FER: variants seen among roughly 807,000 people sequenced by gnomAD.
The protein encoded by FER is FER tyrosine kinase.
A neutral mutation model predicts 111.0 loss-of-function variants in FER; 63 were observed. That is an observed-to-expected ratio of 0.57 (90% CI 0.46 to 0.70). FER has a LOEUF of 0.70. Among genes scored for constraint, FER ranks in the 30% least tolerant of loss-of-function variants. The pLI is 0.00. For synonymous variants in FER, 327 were observed against 313.9 expected (o/e 1.04, Z -0.44); for missense variants, 914 against 954.0 (o/e 0.96, Z 0.55).
chr5:109,065,278 T>TA (rs1435452188), intron 16 of FER, among the ~76,000 whole-genome samples: 2 of 152,266 alleles, frequency 1.3e-5, no homozygotes, highest in South Asian at 4.2e-4. Flanking sequence ...ATCAAAATTT[T>TA]AAAAAAACAT....
chr5:108,926,134 T>C (rs1753707060), intron 10 of FER, among the ~76,000 whole-genome samples: 5 of 151,632 alleles, frequency 3.3e-5, no homozygotes, highest in Admixed American at 3.3e-4. Flanking sequence ...ATTTTTGAAA[T>C]TGTTCTTAAT....
chr5:109,019,067 G>A (rs1352779881), intron 13 of FER, among the ~76,000 whole-genome samples: 3 of 151,356 alleles, frequency 2.0e-5, no homozygotes, highest in Non-Finnish European at 4.4e-5. Flanking sequence ...AGGCACAAGT[G>A]TAATATTTTT....
At chr5:108,830,039 T>C (rs1296401640) in intron 3 of FER, among the ~76,000 whole-genome samples, 1 of 152,202 alleles carries the variant, frequency 6.6e-6, no homozygotes, top group African/African-American at 2.4e-5. Flanking sequence ...GAGCTTGCTA[T>C]GTTCAGCAAA....
chr5:109,006,744 A>G (rs1270671776), intron 13 of FER, among the ~76,000 whole-genome samples: 1 of 152,150 alleles, frequency 6.6e-6, no homozygotes, highest in African/African-American at 2.4e-5. Flanking sequence ...TTGTAATCTA[A>G]GTTTTTGAAC....
chr5:109,163,739 G>A (rs541063285), intron 17 of FER, among the ~76,000 whole-genome samples: 57 of 152,006 alleles, frequency 3.7e-4, no homozygotes, highest in African/African-American at 2.2e-4. Context: ...TACTGCACCC[G>A]GCCTAAAAAT....
chr5:108,811,338 A>G (rs534320486), intron 3 of FER, among the ~76,000 whole-genome samples: 2 of 152,328 alleles, frequency 1.3e-5, no homozygotes, highest in Admixed American at 6.5e-5. Flanking sequence ...TTTCAAATGT[A>G]TATATATTTT....
At chr5:109,002,841 G>A (rs1206049893) in intron 13 of FER, among the ~76,000 whole-genome samples, 1 of 152,092 alleles carries the variant, frequency 6.6e-6, no homozygotes, top group Non-Finnish European at 1.5e-5. Flanking sequence ...AGACATTTTT[G>A]TATCCAAAAA....
In FER at chr5:109,146,210, T is replaced by TTA. The variant is rs1261270406; in HGVS notation, c.2049-34525_2049-34524dup. Reference sequence around the variant, plus strand: ...TACATATATATATAATCTATCTATTTTATATATATATATTATCTATCTAAT... The same window carrying TTA: ...TACATATATATATAATCTATCTATTTTATATATATATATATTATCTATCTAAT... On this transcript the variant is annotated intron_variant, in intron 17 of 19. Transcript: ENST00000281092. Among the ~76,000 whole-genome samples the TTA allele has an allele frequency of 2.4e-4, 23 of 95,308 alleles. 1 individual carries two copies. The highest frequency in any genetic ancestry group is 3.8e-4 in the Non-Finnish European group (16 of 42,608). 62.5% of individuals were successfully genotyped at this position (95,308 alleles called of 152,430 possible).
Position 109,186,244 on chromosome 5 carries a change from C to G in FER, c.2248C>G (p.Leu750Val). 6.2e-7 allele frequency: 1 copy of G among 1,614,112 alleles called. No individual in the cohort carries two copies. The highest frequency in any genetic ancestry group is 8.5e-7 in the Non-Finnish European group (1 of 1,179,984). The change falls in exon 19 of 20, where the codon CTC becomes GTC. Residue 750 changes from leucine to valine, a missense_variant. Coordinates refer to ENST00000281092, the MANE Select transcript of FER (RefSeq NM_005246.4). ...ESDVWSFGIL[L>V]WETFSLGVCP... Reference sequence around the variant, plus strand: ...TGACGTGTGGAGCTTTGGCATCCTTCTCTGGGAGACCTTCAGCTTAGGGGT... The same window carrying G: ...TGACGTGTGGAGCTTTGGCATCCTTGTCTGGGAGACCTTCAGCTTAGGGGT...
intron 5 of FER, among the ~76,000 whole-genome samples, chr5:108,864,880 T>G (rs1257146399): frequency 6.6e-6 from 1 of 152,036 alleles, no homozygotes; most frequent in Non-Finnish European, 1.5e-5. Flanking sequence ...AGTAGTTTTT[T>G]CCAATTCTTT....
intron 9 of FER, among the ~76,000 whole-genome samples, chr5:108,893,975 T>G (rs571003437): frequency 2.3e-4 from 35 of 151,652 alleles, no homozygotes; most frequent in African/African-American, 6.0e-4. Context: ...GAGGTTTTTT[T>G]TTTTTTTTTT....
intron 1 of FER, among the ~76,000 whole-genome samples, chr5:108,762,962 T>C (rs570609039): frequency 6.6e-6 from 1 of 152,328 alleles, no homozygotes; most frequent in South Asian, 2.1e-4. Flanking sequence ...TACCTTTTTC[T>C]GCTTTTAAAA....
chr5:108,768,503 G>A (rs556141541), intron 2 of FER, among the ~76,000 whole-genome samples: 4 of 152,054 alleles, frequency 2.6e-5, no homozygotes, highest in African/African-American at 9.7e-5. Flanking sequence ...TCCTCAATCT[G>A]TGTGCCCACC....
At chr5:108,927,591 C>T (rs1309702533) in intron 10 of FER, among the ~76,000 whole-genome samples, 1 of 152,110 alleles carries the variant, frequency 6.6e-6, no homozygotes, top group Non-Finnish European at 1.5e-5. Flanking sequence ...TTTATTATTC[C>T]TTTACCCTCA....
chr5:108,839,868 C>T (rs1580809534), intron 5 of FER, among the ~76,000 whole-genome samples: 4 of 152,266 alleles, frequency 2.6e-5, no homozygotes. Context: ...TGAGCCACCG[C>T]GTCCGGCCAT....
At chr5:109,034,321 C>T (rs7726922) in intron 13 of FER, among the ~76,000 whole-genome samples, 45,519 of 151,988 alleles carry the variant, frequency 0.3, 7,888 homozygotes, top group African/African-American at 0.49. Context: ...CAGACTTAGT[C>T]TGCCAATCCC....
At chr5:109,115,096 A>G (rs1171017707) in intron 17 of FER, among the ~76,000 whole-genome samples, 1 of 152,016 alleles carries the variant, frequency 6.6e-6, no homozygotes, top group East Asian at 1.9e-4. Context: ...ATCTTAGGAG[A>G]TATTATAAAA....
In FER at chr5:109,180,592, A is replaced by T. The variant is rs545721319; in HGVS notation, c.2049-155A>T. 3.3e-5 allele frequency among the ~76,000 whole-genome samples: 5 copies of T among 152,338 alleles called. No individual in the cohort carries two copies. The South Asian group carries it at 1.0e-3, about 32-fold the overall frequency. On this transcript the variant is annotated intron_variant, in intron 17 of 19. Coordinates refer to ENST00000281092, the MANE Select transcript of FER (RefSeq NM_005246.4). ...ATGTTCTCATGGATGTTTTTTACCT[A>T]TGACAGAAAAGATGAGGACTGGTAA...
chr5:108,911,745 GT>G (rs1751580007), intron 10 of FER, among the ~76,000 whole-genome samples: 1 of 151,980 alleles, frequency 6.6e-6, no homozygotes. Context: ...GTTTATTTTT[GT>G]GAACTTTGTC....
Sources: gnomAD v4.1 joint callset for allele counts (sites outside exome capture counted in the v4.1 genomes callset) on GRCh38, gnomAD v4.1.1 for gene constraint, MANE v1.5 for transcripts, NCBI Gene and HGNC (gene_info 2026-07-23, HGNC 2026-07-21) for gene names.